MGAM2: variants seen among roughly 807,000 people sequenced by gnomAD.
The protein encoded by MGAM2 is maltase-glucoamylase 2 (putative), also known as probable maltase-glucoamylase 2.
In MGAM2, 98 loss-of-function variants were observed where a neutral mutation model predicts 96.1. The ratio of observed to expected loss-of-function variants is 1.02; its 90% CI spans 0.87 to 1.21. The LOEUF is 1.21. MGAM2 is among the 50% of genes most tolerant of loss of function. The pLI is 0.00. For synonymous variants in MGAM2, 749 were observed against 414.8 expected (o/e 1.81, Z -9.79); for missense variants, 2,055 against 1,182.4 (o/e 1.74, Z -10.82).
rs143898725 is a variant in MGAM2 at position 142,206,817 on chromosome 7, T to C, written c.5138-1756T>C. ...CAGTGTAAGTGTCATTTAAATGTTC[T>C]ATTAGCAGACTTGGAACCATTTATT... is the stretch of plus-strand genomic sequence containing the variant. On this transcript the variant is annotated intron_variant, in intron 45 of 47. Transcript: ENST00000477922. Among the ~76,000 whole-genome samples the C allele has an allele frequency of 4.4e-3, 671 of 152,364 alleles. 4 individuals are homozygous for C. Among genetic ancestry groups the C allele is most frequent in the South Asian group, 0.014 (66 of 4,832 alleles).
chr7:142,183,080 A>G (rs552024361), intron 32 of MGAM2, among the ~76,000 whole-genome samples, 186 bp from the exon 33 acceptor site: 1 of 152,262 alleles, frequency 6.6e-6, no homozygotes, highest in East Asian at 1.9e-4. Flanking sequence ...TCCCTTTTCA[A>G]TTGGCTATGG....
chr7:142,196,879 C>A, intron 40 of MGAM2, 63 bp downstream of exon 40: 1 of 702,372 alleles, frequency 1.4e-6, no homozygotes, highest in South Asian at 1.5e-5. Flanking sequence ...TTTTTAACCC[C>A]CAGGACTATT....
intron 45 of MGAM2, 89 bp from the exon 46 acceptor site, chr7:142,208,484 G>T: frequency 1.5e-6 from 1 of 686,010 alleles, no homozygotes; most frequent in South Asian, 1.6e-5. Context: ...TGACCCCATT[G>T]AGAGTGTGGT....
chr7:142,192,440 C>T (rs1403339275), intron 37 of MGAM2, among the ~76,000 whole-genome samples: 1 of 152,170 alleles, frequency 6.6e-6, no homozygotes, highest in Non-Finnish European at 1.5e-5. Flanking sequence ...GAATAAGTCA[C>T]AGTCCCTGCT....
chr7:142,188,944 G>A (rs895473085), intron 36 of MGAM2, among the ~76,000 whole-genome samples: 1 of 152,152 alleles, frequency 6.6e-6, no homozygotes, highest in Non-Finnish European at 1.5e-5. Flanking sequence ...TGTAAGTTAA[G>A]GATCATCTGT....
In MGAM2 at chr7:142,154,087, C is replaced by A. The variant is rs921486464; in HGVS notation, c.1704C>A (p.Gly568=). Residue 568 remains glycine (G), a synonymous_variant, in exon 16 of 48, where the codon GGC becomes GGA. Transcript: ENST00000477922. ...ILSRSTFAGS[G]KFAAHWLGDN... Reference sequence around the variant, plus strand: ...CCCGTTCTACTTTTGCTGGATCTGGCAAATTTGCTGCTCATTGGCTGGGGG... The same window carrying A: ...CCCGTTCTACTTTTGCTGGATCTGGAAAATTTGCTGCTCATTGGCTGGGGG... The A allele has an allele frequency of 2.9e-6, 2 of 695,852 alleles. No homozygotes were observed. Among genetic ancestry groups the A allele is most frequent in the African/African-American group, 3.5e-5 (2 of 57,190 alleles). The allele number at this position is 695,852 out of a possible 1,614,324, so 43.1% of individuals were successfully genotyped here.
At chr7:142,150,855 G>A (rs538527720) in intron 15 of MGAM2, among the ~76,000 whole-genome samples, 15 of 152,118 alleles carry the variant, frequency 9.9e-5, no homozygotes, top group Admixed American at 4.6e-4. Flanking sequence ...GCATCTTCTT[G>A]TTCCCAAATC....
chr7:142,150,194 G>A (rs1795531609), intron 15 of MGAM2, among the ~76,000 whole-genome samples: 1 of 152,040 alleles, frequency 6.6e-6, no homozygotes, highest in South Asian at 2.1e-4. Context: ...GCCCACCTCG[G>A]CTTCCCAAAG....
At chr7:142,188,460 AC>A (rs1796771539) in intron 36 of MGAM2, among the ~76,000 whole-genome samples, 1 of 152,104 alleles carries the variant, frequency 6.6e-6, no homozygotes, top group Admixed American at 6.6e-5. Flanking sequence ...ACAAACAAAC[AC>A]CAAAAACCAG....
chr7:142,133,146 A>G (rs1356321165), intron 6 of MGAM2, among the ~76,000 whole-genome samples: 3 of 139,664 alleles, frequency 2.1e-5, no homozygotes, highest in African/African-American at 7.8e-5. Context: ...AATAAATGTT[A>G]ATTTATATTT....
intron 24 of MGAM2, among the ~76,000 whole-genome samples, chr7:142,165,269 G>T (rs781495433): frequency 1.3e-5 from 2 of 152,172 alleles, no homozygotes; most frequent in African/African-American, 2.4e-5. Flanking sequence ...TCTTCTCTGG[G>T]CGCAGTTAAA....
intron 32 of MGAM2, among the ~76,000 whole-genome samples, chr7:142,177,649 A>G (rs1796417240): frequency 6.6e-6 from 1 of 152,098 alleles, no homozygotes; most frequent in Non-Finnish European, 1.5e-5. Flanking sequence ...GCATTAATTC[A>G]CTTAGAATAA....
intron 19 of MGAM2, among the ~76,000 whole-genome samples, chr7:142,158,689 C>T (rs780362614): frequency 6.6e-6 from 1 of 151,812 alleles, no homozygotes; most frequent in Non-Finnish European, 1.5e-5. Flanking sequence ...GGCTGGGCTG[C>T]GAAGAGAGAA....
intron 46 of MGAM2, among the ~76,000 whole-genome samples, chr7:142,209,964 A>G (rs1009917135): frequency 6.6e-6 from 1 of 152,218 alleles, no homozygotes; most frequent in South Asian, 2.1e-4. Flanking sequence ...TCCCAGTGAG[A>G]TCAATGCAGA....
intron 38 of MGAM2, 38 bp from the exon 39 acceptor site, chr7:142,196,527 G>A (rs1336473411): frequency 1.4e-6 from 1 of 709,384 alleles, no homozygotes; most frequent in East Asian, 2.6e-5. Context: ...CTCCCAAAGT[G>A]CTCCTTCCTC....
In MGAM2 at chr7:142,220,834, G is replaced by A. The variant is rs868461091; in HGVS notation, c.6323G>A (p.Ser2108Asn). The change falls in exon 48 of 48, where the codon AGT becomes AAT. Residue 2108 changes from serine to asparagine, a missense_variant. Coordinates refer to ENST00000477922, the MANE Select transcript of MGAM2 (RefSeq NM_001293626.2). ...ATTTCAGTGACTCCTTCTCTGACAA[G>A]TACTGCTGATGCCACCATTAGTACT... The part of the protein sequence containing the change: ...VPISVTPSLT[S>N]TADATISTTV... The A allele has an allele frequency of 4.3e-5, 30 of 701,938 alleles. No individual in the cohort carries two copies. Among genetic ancestry groups the A allele is most frequent in the Non-Finnish European group, 6.8e-5 (26 of 384,762 alleles). The allele number at this position is 701,938 out of a possible 1,614,324, so 43.5% of individuals were successfully genotyped here.
chr7:142,114,088 G>A (rs1426149664), intron 1 of MGAM2, among the ~76,000 whole-genome samples: 4 of 150,068 alleles, frequency 2.7e-5, no homozygotes, highest in African/African-American at 4.9e-5. Context: ...CCGAGATCGC[G>A]CCACTGCACT....
intron 26 of MGAM2, among the ~76,000 whole-genome samples, chr7:142,168,079 G>T (rs1276729879): frequency 1.3e-5 from 2 of 152,048 alleles, no homozygotes; most frequent in Non-Finnish European, 2.9e-5. Flanking sequence ...CTGCTTTGTG[G>T]CAAACTCACA....
intron 5 of MGAM2, 38 bp from the exon 6 acceptor site, chr7:142,131,893 C>T: frequency 1.5e-6 from 1 of 685,318 alleles, no homozygotes; most frequent in Non-Finnish European, 2.7e-6. Context: ...AGGAAGTGGT[C>T]TTATCTGCAG....
Sources: gnomAD v4.1 joint callset for allele counts (sites outside exome capture counted in the v4.1 genomes callset) on GRCh38, gnomAD v4.1.1 for gene constraint, MANE v1.5 for transcripts, NCBI Gene and HGNC (gene_info 2026-07-23, HGNC 2026-07-21) for gene names.